Variants in SI observed in about 807,000 individuals in gnomAD.
SI encodes sucrase-isomaltase.
In SI, 235 loss-of-function variants were observed where a neutral mutation model predicts 253.3. The observed-to-expected ratio is 0.93, with a 90% CI of 0.83 to 1.03. The LOEUF is 1.03. Among genes scored for constraint, SI ranks in the 50% least tolerant of loss-of-function variants. The pLI is 0.00. For synonymous variants in SI, 819 were observed against 712.0 expected, an observed-to-expected ratio of 1.15 and a Z score of -2.39; for missense variants, 2,442 against 2,211.1, an observed-to-expected ratio of 1.10 and a Z score of -2.09.
intron 37 of SI, among the ~76,000 whole-genome samples, chr3:164,999,160 G>T (rs1042575111): frequency 7.3e-5 from 11 of 151,486 alleles, no homozygotes; most frequent in Admixed American, 3.3e-4. Flanking sequence ...AAGTATTCTC[G>T]GGTCTTAAAA....
Position 165,019,456 on chromosome 3 carries a change from C to T in SI, c.3423+146G>A, listed in dbSNP as rs1719197729. 5.2e-6 allele frequency: 4 copies of T among 765,998 alleles called. No individual in the cohort carries two copies. The Admixed American group carries it at 9.5e-5, about 18-fold the overall frequency. 47.5% of individuals were successfully genotyped at this position (765,998 alleles called of 1,614,324 possible). On this transcript the variant is annotated intron_variant, in intron 28 of 47. Coordinates refer to ENST00000264382, the MANE Select transcript of SI (RefSeq NM_001041.4). ...ATGGTGACTTTTTGGGTTTGTTTCT[C>T]AGAAAATTGCTATAGCTGCTCTGGA...
chr3:165,014,829 G>T (rs559649044), intron 33 of SI, among the ~76,000 whole-genome samples: 21 of 152,124 alleles, frequency 1.4e-4, no homozygotes, highest in Admixed American at 8.5e-4. Context: ...ACAGAATAAT[G>T]AGTAGCCATC....
intron 16 of SI, among the ~76,000 whole-genome samples, chr3:165,045,485 G>T (rs1207922223): frequency 6.6e-6 from 1 of 151,728 alleles, no homozygotes; most frequent in Admixed American, 6.6e-5. Flanking sequence ...TAACAAATAT[G>T]CTATAAATTG....
rs184947231 is a variant in SI, at chr3:164,982,177, A to C, written c.5415+66T>G. Reference sequence around the variant, plus strand: ...ATTATGTTTCTTACAGATGAGGGATATAAGAAGTCCATGTAGATGCTTTAA... The same window carrying C: ...ATTATGTTTCTTACAGATGAGGGATCTAAGAAGTCCATGTAGATGCTTTAA... On this transcript the variant is annotated intron_variant, in intron 47 of 47. Transcript: ENST00000264382. 85 of 1,188,480 alleles carry C rather than the reference A, an allele frequency of 7.2e-5. No homozygotes were observed. The African/African-American group carries it at 1.2e-3, about 17-fold the overall frequency. The allele number at this position is 1,188,480 out of a possible 1,614,324, so 73.6% of individuals were successfully genotyped here. A position where few individuals can be genotyped will look rare whatever the true frequency, so the allele number is the denominator to read the frequency against.
At chr3:165,079,797 A>C (rs1239435051), upstream of SI, among the ~76,000 whole-genome samples, 1 of 151,834 alleles carries the variant, frequency 6.6e-6, no homozygotes, top group Non-Finnish European at 1.5e-5. Context: ...ATATAGATAT[A>C]GACAGAGATA....
chr3:165,034,096 A>G (rs1712398156), intron 22 of SI, among the ~76,000 whole-genome samples: 1 of 151,828 alleles, frequency 6.6e-6, no homozygotes, highest in Non-Finnish European at 1.5e-5. Context: ...GATTCATATA[A>G]TATACTTTCC....
Position 165,059,041 on chromosome 3 carries a change from T to C in SI, c.1320A>G (p.Thr440=), listed in dbSNP as rs1217917596. The C allele has an allele frequency of 6.2e-6, 10 of 1,612,616 alleles. No individual in the cohort carries two copies. The highest frequency in any genetic ancestry group is 8.5e-6 in the Non-Finnish European group (10 of 1,179,216). The change falls in exon 12 of 48, where the codon ACA becomes ACG. Residue 440 remains threonine (T), a synonymous_variant. Transcript: ENST00000264382. Reference sequence around the variant, plus strand: ...TGTTTCCCCTCTCATAGGTTGCATATGTTGTTCCATTGGCACGTCGACCTA... The same window carrying C: ...TGTTTCCCCTCTCATAGGTTGCATACGTTGTTCCATTGGCACGTCGACCTA... ...ISIGRRANGT[T]YATYERGNTQ...
chr3:164,998,570 G>A lies in SI; in HGVS notation c.4510C>T (p.Arg1504Ter), dbSNP rs1164456060. ...GGHWLGDNYA[R>*]WDNMDKSIIG... ...ATTGATTTGTCCATGTTGTCCCATC[G>A]TGCATAGTTGTCTCCAAGCCAGTGT... Residue 1504 changes from arginine to a stop codon, truncating the protein, a stop_gained, in exon 38 of 48, where the codon CGA (arginine) becomes TGA (stop). Coordinates refer to ENST00000264382, the MANE Select transcript of SI (RefSeq NM_001041.4). LOFTEE classifies it high-confidence loss of function. 11 of 1,612,088 alleles carry A rather than the reference G, an allele frequency of 6.8e-6. No homozygotes were observed. Among genetic ancestry groups the A allele is most frequent in the South Asian group, 2.2e-5 (2 of 91,054 alleles).
At chr3:165,057,494 A>G (rs965126543) in intron 12 of SI, among the ~76,000 whole-genome samples, 1 of 152,016 alleles carries the variant, frequency 6.6e-6, no homozygotes, top group Non-Finnish European at 1.5e-5. Flanking sequence ...GATATAGAAC[A>G]CCAAGCAGAT....
chr3:165,048,564 TATGTATATATATATATATATAG>T (rs1018972866), intron 15 of SI, among the ~76,000 whole-genome samples: 11 of 69,032 alleles, frequency 1.6e-4, no homozygotes, highest in African/African-American at 7.2e-4. Flanking sequence ...TACATATATA[TATGTATATATATATATATATAG>T]AGAGAGAGAG....
Position 165,059,067 on chromosome 3 carries a change from T to G in SI, c.1294A>C (p.Ile432Leu). 1 of 1,612,576 alleles carries G rather than the reference T, an allele frequency of 6.2e-7. No individual in the cohort carries two copies. Among genetic ancestry groups the G allele is most frequent in the African/African-American group, 1.3e-5 (1 of 74,960 alleles). The change falls in exon 12 of 48, where the codon ATA becomes CTA. Residue 432 changes from isoleucine (I) to leucine (L), a missense_variant. Coordinates refer to ENST00000264382, the MANE Select transcript of SI (RefSeq NM_001041.4). ...YVIILDPAIS[I>L]GRRANGTTYA... ...GTTGTTCCATTGGCACGTCGACCTA[T>G]GGAAATTGCAGGGTCCTAATAATAG...
At chr3:165,019,795 A>G (rs776050223) in intron 27 of SI, 25 bp from the exon 28 acceptor site, 5 of 1,605,678 alleles carry the variant, frequency 3.1e-6, no homozygotes, top group Non-Finnish European at 3.4e-6. Context: ...AAACAAAGCT[A>G]TGTCTGTCAA....
chr3:165,079,696 G>A (rs1715220361), upstream of SI, among the ~76,000 whole-genome samples: 1 of 151,570 alleles, frequency 6.6e-6, no homozygotes, highest in South Asian at 2.1e-4. Context: ...CAATAGGCAA[G>A]CAAAGCAAGG....
intron 3 of SI, among the ~76,000 whole-genome samples, chr3:165,073,603 T>C (rs1024911087): frequency 1.3e-5 from 2 of 152,076 alleles, no homozygotes; most frequent in Non-Finnish European, 2.9e-5. Context: ...GTGACATTTG[T>C]AATTGCATAT....
chr3:165,043,316 T>C, intron 16 of SI, 141 bp from the exon 17 acceptor site: 1 of 608,808 alleles, frequency 1.6e-6, no homozygotes, highest in South Asian at 2.1e-5. Flanking sequence ...TTAAACCAAT[T>C]TATTTTCCAT....
intron 7 of SI, among the ~76,000 whole-genome samples, chr3:165,064,526 G>A (rs146550845): frequency 1.5e-3 from 232 of 152,128 alleles, no homozygotes; most frequent in African/African-American, 5.2e-3. Context: ...ACTGACAAAC[G>A]TTTGACCCAA....
At chr3:165,054,382 C>T (rs927581912) in intron 13 of SI, among the ~76,000 whole-genome samples, 87 of 150,944 alleles carry the variant, frequency 5.8e-4, no homozygotes, top group African/African-American at 2.0e-3. Context: ...ATTTTTTTTT[C>T]TTTTCTGAGA....
At chr3:165,067,188 C>A in intron 6 of SI, 152 bp downstream of exon 6, 1 of 581,744 alleles carries the variant, frequency 1.7e-6, no homozygotes, top group East Asian at 2.9e-5. Context: ...CCACAAGAAA[C>A]CAAACTCCTT....
At position 165,039,084 on chromosome 3, in the gene SI, A is replaced by G. The variant is rs1712682900; in HGVS notation, c.2295T>C (p.Tyr765=). The change falls in exon 20 of 48, where the codon TAT becomes TAC. Residue 765 remains tyrosine (Y), a synonymous_variant. Coordinates refer to ENST00000264382, the MANE Select transcript of SI (RefSeq NM_001041.4). The part of the protein sequence containing the change: ...AYIPDAIWYD[Y]ESGAKRPWRK... ...GTATGTTAAGGTTACTTACAGATTC[A>G]TAATCATACCAAATAGCATCAGGGA... 2 of 1,583,710 alleles carry G rather than the reference A, an allele frequency of 1.3e-6. No individual in the cohort carries two copies. Among genetic ancestry groups the G allele is most frequent in the Non-Finnish European group, 1.7e-6 (2 of 1,154,152 alleles).
Sources: gnomAD v4.1 joint callset for allele counts (sites outside exome capture counted in the v4.1 genomes callset) on GRCh38, gnomAD v4.1.1 for gene constraint, MANE v1.5 for transcripts, NCBI Gene and HGNC (gene_info 2026-07-23, HGNC 2026-07-21) for gene names.